Variants in C4orf50 observed in about 807,000 individuals in gnomAD.
C4orf50 encodes the protein uncharacterized protein C4orf50.
A neutral mutation model predicts 77.2 loss-of-function variants in C4orf50; 80 were observed. That is an observed-to-expected ratio of 1.04 (90% CI 0.87 to 1.25). The LOEUF (loss-of-function observed/expected upper bound fraction) is 1.25. C4orf50 is among the 50% of genes most tolerant of loss of function. The pLI, the probability that C4orf50 is intolerant of heterozygous loss-of-function variation, is 0.00. For synonymous variants in C4orf50, 532 were observed against 465.3 expected (o/e 1.14, Z -1.84); for missense variants, 1,257 against 1,152.9 (o/e 1.09, Z -1.31).
Position 5,919,784 on chromosome 4 carries a change from T to C in C4orf50, c.*2475-21596A>G, listed in dbSNP as rs950069337. Among the ~76,000 whole-genome samples, 4 of 152,106 alleles carry C rather than the reference T, an allele frequency of 2.6e-5. No individual in the cohort carries two copies. The highest frequency in any genetic ancestry group is 9.7e-5 in the African/African-American group (4 of 41,424). ...ACAAGAAAATGCTCTCTTGCTGAGC[T>C]CCCACAAAGCCCATGGGAGAAGACG... On this transcript the variant is annotated intron_variant, in intron 7 of 7. Coordinates refer to the C4orf50 transcript ENST00000324058. This position sits in a 1 kb window ranked among gnomAD's most constrained non-coding sequence, Gnocchi z 6.5.
intron 28 of C4orf50, among the ~76,000 whole-genome samples, chr4:5,984,850 TAA>T (rs138298932): frequency 1.4e-5 from 2 of 141,406 alleles, no homozygotes. Context: ...TTCAAGAAGC[TAA>T]AAAAAAAAAC....
intron 25 of C4orf50, among the ~76,000 whole-genome samples, chr4:6,006,174 C>G (rs951138325): frequency 1.3e-5 from 2 of 152,076 alleles, no homozygotes; most frequent in Non-Finnish European, 2.9e-5. Context: ...CCGATGAAGC[C>G]GTTAATACAT....
chr4:5,955,441 C>T (rs751674379), downstream of C4orf50, among the ~76,000 whole-genome samples: 3 of 152,120 alleles, frequency 2.0e-5, no homozygotes, highest in African/African-American at 2.4e-5. The surrounding 1 kb of genome is among the most constrained non-coding windows in gnomAD (Gnocchi z 5.1). Flanking sequence ...ATGCCACCGC[C>T]GGGCACTGGC....
At chr4:5,975,215 AAG>A (rs1414852025) in intron 30 of C4orf50, among the ~76,000 whole-genome samples, 5 of 150,132 alleles carry the variant, frequency 3.3e-5, no homozygotes, top group Admixed American at 2.7e-4. Flanking sequence ...AATGATACAA[AAG>A]AGAGAGTGAT....
chr4:6,012,757 C>T (rs903769208), intron 23 of C4orf50, among the ~76,000 whole-genome samples: 2 of 152,090 alleles, frequency 1.3e-5, no homozygotes, highest in African/African-American at 2.4e-5. Context: ...GGAGAAAGTC[C>T]GAAAAGAAAG....
intron 7 of C4orf50, chr4:5,923,295 C>T (rs1344067493): frequency 1.9e-5 from 3 of 154,244 alleles, no homozygotes; most frequent in African/African-American, 7.2e-5. Context: ...ACTCCAAGTC[C>T]AGTAATAACA....
intron 23 of C4orf50, among the ~76,000 whole-genome samples, chr4:6,013,999 TTG>T (rs199516674): frequency 0.065 from 8,387 of 128,522 alleles, 397 homozygotes; most frequent in African/African-American, 0.14. Context: ...TGTTTTTAAG[TTG>T]TGTGTTTTTT....
chr4:5,938,237 C>T (rs1014618824), intron 7 of C4orf50, among the ~76,000 whole-genome samples: 10 of 152,044 alleles, frequency 6.6e-5, no homozygotes, highest in African/African-American at 1.9e-4. Flanking sequence ...TCTCTGGTTA[C>T]GATGGAATTA....
chr4:5,990,124 G>A, exon 28 of C4orf50: 3 of 1,271,016 alleles, frequency 2.4e-6, no homozygotes, highest in Non-Finnish European at 3.0e-6. Context: ...CCTGCTCAGG[G>A]ATTCGGGACC....
chr4:5,953,441 C>T (rs1229124115), downstream of C4orf50, among the ~76,000 whole-genome samples: 2 of 152,214 alleles, frequency 1.3e-5, no homozygotes, highest in African/African-American at 2.4e-5. Context: ...CAGTACTAAC[C>T]TGGCCTCAAG....
intron 7 of C4orf50, among the ~76,000 whole-genome samples, chr4:5,950,341 AATGAT>A (rs1718662896): frequency 6.6e-6 from 1 of 152,214 alleles, no homozygotes; most frequent in Non-Finnish European, 1.5e-5. Context: ...AGATGAATTA[AATGAT>A]ATGATATCTA....
At chr4:5,989,675 C>G in exon 28 of C4orf50, 1 of 1,536,138 alleles carries the variant, frequency 6.5e-7, no homozygotes, top group Non-Finnish European at 8.7e-7. Flanking sequence ...TTGCTCACAG[C>G]CTGTGGATGA....
chr4:5,937,619 C>T (rs565666644), intron 7 of C4orf50, among the ~76,000 whole-genome samples: 1 of 152,096 alleles, frequency 6.6e-6, no homozygotes, highest in South Asian at 2.1e-4. Flanking sequence ...ACTAAACTTT[C>T]CATTTAAAAG....
chr4:5,912,499 G>C (rs1360100980), intron 7 of C4orf50, among the ~76,000 whole-genome samples: 1 of 152,196 alleles, frequency 6.6e-6, no homozygotes, highest in African/African-American at 2.4e-5. Context: ...TTACTTTCAA[G>C]GAAATGTATC....
chr4:6,006,051 T>C lies in C4orf50; in HGVS notation c.963+1945A>G, dbSNP rs543345373. Reference sequence around the variant, plus strand: ...TTCCAAAATTACAACAAGTTGCCAATGTTATACACTTTGTTTTCCTTTTAT... The same window carrying C: ...TTCCAAAATTACAACAAGTTGCCAACGTTATACACTTTGTTTTCCTTTTAT... On this transcript the variant is annotated intron_variant, in intron 25 of 33. Transcript: ENST00000531445. 2.6e-5 allele frequency among the ~76,000 whole-genome samples: 4 copies of C among 152,374 alleles called. No individual in the cohort carries two copies. The South Asian group carries it at 8.3e-4, about 32-fold the overall frequency.
At chr4:5,943,748 T>C (rs1487636263) in intron 7 of C4orf50, among the ~76,000 whole-genome samples, 2 of 152,174 alleles carry the variant, frequency 1.3e-5, no homozygotes, top group East Asian at 1.9e-4. Flanking sequence ...GGACAGGAAA[T>C]TGAGAACCTG....
At chr4:5,931,669 C>A (rs552509953) in intron 7 of C4orf50, among the ~76,000 whole-genome samples, 1 of 152,230 alleles carries the variant, frequency 6.6e-6, no homozygotes, top group African/African-American at 2.4e-5. Context: ...TGATGTCTGA[C>A]GGGGAGGCCC....
chr4:5,983,661 C>G (rs1267209829), intron 28 of C4orf50, among the ~76,000 whole-genome samples: 1 of 152,156 alleles, frequency 6.6e-6, no homozygotes, highest in African/African-American at 2.4e-5. Context: ...AAAGCCTGCA[C>G]AACAAGGCAG....
chr4:6,008,199 G>A lies in C4orf50; in HGVS notation c.760C>T (p.Arg254Trp). The change falls in exon 25 of 34, where the codon CGG (arginine) becomes TGG (tryptophan). Residue 254 changes from arginine (R) to tryptophan (W), a missense_variant. By Grantham distance (101) the Arg-to-Trp change is moderately radical. Coordinates refer to ENST00000531445, the Ensembl canonical transcript of C4orf50. The surrounding 1 kb of genome is among the most constrained non-coding windows in gnomAD (Gnocchi z 6.0). Reference sequence around the variant, plus strand: ...TGCAGGCTGCGCGCCGCCTCTTCCCGCTCGCGCTCGCTGCGCTCTGCCCTC... The same window carrying A: ...TGCAGGCTGCGCGCCGCCTCTTCCCACTCGCGCTCGCTGCGCTCTGCCCTC... The A allele has an allele frequency of 2.5e-6, 1 of 397,832 alleles. No individual in the cohort carries two copies. The allele number at this position is 397,832 out of a possible 1,614,324, so 24.6% of individuals were successfully genotyped here. A position where few individuals can be genotyped will look rare whatever the true frequency, so the allele number is the denominator to read the frequency against.
Sources: allele counts gnomAD v4.1 joint callset (sites outside exome capture counted in the v4.1 genomes callset), GRCh38; gene constraint gnomAD v4.1.1; non-coding constraint Gnocchi (gnomAD v3.1); transcripts MANE v1.5; gene names NCBI Gene and HGNC (gene_info 2026-07-23, HGNC 2026-07-21).